Variants in ERBB3 observed in about 807,000 individuals in gnomAD.
The protein encoded by ERBB3 is erb-b2 receptor tyrosine kinase 3, also known as receptor tyrosine-protein kinase erbB-3.
A neutral mutation model predicts 156.7 loss-of-function variants in ERBB3; 96 were observed. The ratio of observed to expected loss-of-function variants is 0.61; its 90% CI spans 0.52 to 0.73. ERBB3 has a LOEUF of 0.73. Among genes scored for constraint, ERBB3 ranks in the 30% least tolerant of loss-of-function variants. ERBB3 has a pLI of 0.00. For synonymous variants in ERBB3, 567 were observed against 632.0 expected (o/e 0.90, Z 1.54); for missense variants, 1,406 against 1,709.4 (o/e 0.82, Z 3.13).
chr12:56,095,963 C>A (rs1249967140), intron 17 of ERBB3, 157 bp downstream of exon 17: 2 of 798,592 alleles, frequency 2.5e-6, no homozygotes, highest in Admixed American at 4.2e-5. Context: ...TGATCCCTTT[C>A]TTCAAGGAAG....
intron 17 of ERBB3, 100 bp downstream of exon 17, chr12:56,095,906 G>C (rs571269605): frequency 1.3e-5 from 16 of 1,258,420 alleles, no homozygotes; most frequent in African/African-American, 1.2e-4. Flanking sequence ...GCACCCAGGG[G>C]TCAGTGATGG....
At chr12:56,096,447 G>T in intron 17 of ERBB3, 56 bp from the exon 18 acceptor site, 1 of 1,611,144 alleles carries the variant, frequency 6.2e-7, no homozygotes, top group Non-Finnish European at 8.5e-7. Context: ...GGAGCGGGTT[G>T]GAGTGGGACA....
Position 56,096,488 on chromosome 12 carries a change from C to T in ERBB3, c.2056-15C>T, listed in dbSNP as rs189193848. 1 of 1,613,680 alleles carries T rather than the reference C, an allele frequency of 6.2e-7. No homozygotes were observed. Among genetic ancestry groups the T allele is most frequent in the East Asian group, 2.2e-5 (1 of 44,886 alleles). On this transcript the variant is annotated splice_polypyrimidine_tract_variant and intron_variant, in intron 17 of 27. Transcript: ENST00000267101. ...ATGGCCTTTCCTGAGTAACTCCTTCCCATTTGCTCCTCAGAGCATAGAGCC... is the reference window on the plus strand; with the variant it reads ...ATGGCCTTTCCTGAGTAACTCCTTCTCATTTGCTCCTCAGAGCATAGAGCC...
At position 56,099,835 on chromosome 12, in the gene ERBB3, T is replaced by TAG. The variant is rs766102716; in HGVS notation, c.2944_2945dup. 1.2e-6 allele frequency: 2 copies of TAG among 1,613,432 alleles called. No homozygotes were observed. Among genetic ancestry groups the TAG allele is most frequent in the Non-Finnish European group, 8.5e-7 (1 of 1,179,596 alleles). On this transcript the variant is annotated splice_polypyrimidine_tract_variant and splice_region_variant and intron_variant, in intron 24 of 27. Coordinates refer to ENST00000267101, the MANE Select transcript of ERBB3 (RefSeq NM_001982.4). ...TCCCCCTAACAATCACCTATCGATATAGAGAGAGAGTGGGCCTGGAATAGC... is the reference window on the plus strand; with the variant it reads ...TCCCCCTAACAATCACCTATCGATATAGAGAGAGAGAGTGGGCCTGGAATAGC...
chr12:56,080,865 TG>T (rs1181105579), intron 1 of ERBB3, among the ~76,000 whole-genome samples: 2 of 152,120 alleles, frequency 1.3e-5, no homozygotes, highest in Non-Finnish European at 2.9e-5. Context: ...TGTTGTTCTC[TG>T]GTGTTGGAAA....
intron 9 of ERBB3, among the ~76,000 whole-genome samples, chr12:56,091,388 A>G (rs1164596602): frequency 1.9e-5 from 2 of 102,630 alleles, no homozygotes; most frequent in African/African-American, 7.1e-5. Context: ...ATATTTATAT[A>G]TGTGTGTGTA....
At position 56,092,733 on chromosome 12, in the gene ERBB3, A is replaced by T; in HGVS notation, c.1110-14A>T. On this transcript the variant is annotated splice_polypyrimidine_tract_variant and intron_variant, in intron 9 of 27. Coordinates refer to ENST00000267101, the MANE Select transcript of ERBB3 (RefSeq NM_001982.4). ...ACCTTTACCTTATTGACTGGTTTCT[A>T]CTGTTCTATTCAGAGACCCCTGGCA... 6.2e-7 allele frequency: 1 copy of T among 1,603,478 alleles called. No homozygotes were observed.
At chr12:56,086,410 CCTAT>C (rs1339351988) in intron 3 of ERBB3, 117 bp from the exon 4 acceptor site, 1 of 1,194,306 alleles carries the variant, frequency 8.4e-7, no homozygotes, top group Non-Finnish European at 1.2e-6. Flanking sequence ...TTTAATTGGA[CCTAT>C]CTGTCTGCCT....
rs1868941354 is a variant in ERBB3 at position 56,097,884 on chromosome 12, G to C, written c.2560G>C (p.Gly854Arg). 1 of 1,613,842 alleles carries C rather than the reference G, an allele frequency of 6.2e-7. No individual in the cohort carries two copies. The highest frequency in any genetic ancestry group is 1.7e-5 in the Admixed American group (1 of 59,976). Residue 854 changes from glycine (G) to arginine (R), a missense_variant, in exon 21 of 28, where the codon GGT becomes CGT. By Grantham distance (125) the Gly-to-Arg change is moderately radical. Transcript: ENST00000267101. The stretch of plus-strand genomic sequence containing the variant: ...CAGTCAGGTTCAGGTGGCAGATTTT[G>C]GTGTGGCTGACCTGCTGCCTCCTGA... The part of the protein sequence containing the change: ...SPSQVQVADF[G>R]VADLLPPDDK...
chr12:56,100,183 C>T lies in ERBB3; in HGVS notation c.3139C>T (p.Leu1047Phe). The T allele has an allele frequency of 1.9e-6, 3 of 1,613,960 alleles. No individual in the cohort carries two copies. The highest frequency in any genetic ancestry group is 2.5e-6 in the Non-Finnish European group (3 of 1,179,822). ...TATTTTTTCATCCTAGAGCCAGAGC[C>T]TTTTAAGTCCATCATCTGGATACAT... Reference protein sequence around the residue: ...TLNRPRGSQSLLSPSSGYMPM... With the variant: ...TLNRPRGSQSFLSPSSGYMPM... The change falls in exon 26 of 28, where the codon CTT (leucine) becomes TTT (phenylalanine). Residue 1047 changes from leucine (L) to phenylalanine (F), a missense_variant. Coordinates refer to ENST00000267101, the MANE Select transcript of ERBB3 (RefSeq NM_001982.4).
At chr12:56,080,141 C>T (rs1161185200), upstream of ERBB3, 4 of 674,594 alleles carry the variant, frequency 5.9e-6, no homozygotes, top group African/African-American at 3.5e-5. Context: ...CATCCCTCCC[C>T]GGACTCCGGC....
chr12:56,096,417 C>T, intron 17 of ERBB3, 86 bp from the exon 18 acceptor site: 1 of 1,559,926 alleles, frequency 6.4e-7, no homozygotes, highest in Non-Finnish European at 8.8e-7. Flanking sequence ...AGCTGTGCTG[C>T]TTTTGGCATT....
At chr12:56,082,685 T>G (rs1868367487) in intron 1 of ERBB3, among the ~76,000 whole-genome samples, 1 of 152,136 alleles carries the variant, frequency 6.6e-6, no homozygotes, top group African/African-American at 2.4e-5. Context: ...GGAAAGAGAC[T>G]GGGGTAGGGC....
intron 16 of ERBB3, 175 bp from the exon 17 acceptor site, chr12:56,095,490 T>G: frequency 1.1e-6 from 1 of 910,012 alleles, no homozygotes; most frequent in Non-Finnish European, 1.7e-6. Flanking sequence ...AAAATTAACT[T>G]TCAGTAGTCT....
Position 56,093,471 on chromosome 12 carries a change from T to G in ERBB3, c.1401T>G (p.Ser467=), listed in dbSNP as rs1176740305. 1.2e-6 allele frequency: 2 copies of G among 1,613,878 alleles called. No homozygotes were observed. Among genetic ancestry groups the G allele is most frequent in the Non-Finnish European group, 1.7e-6 (2 of 1,179,998 alleles). Reference sequence around the variant, plus strand: ...ATAGGCAGCTCTGCTACCACCACTCTTTGAACTGGACCAAGGTGCTTCGGG... The same window carrying G: ...ATAGGCAGCTCTGCTACCACCACTCGTTGAACTGGACCAAGGTGCTTCGGG... The part of the protein sequence containing the change: ...SANRQLCYHH[S]LNWTKVLRGP... Residue 467 remains serine (S), a synonymous_variant, in exon 12 of 28, where the codon TCT becomes TCG. Coordinates refer to ENST00000267101, the MANE Select transcript of ERBB3 (RefSeq NM_001982.4).
At chr12:56,096,868 T>C in intron 19 of ERBB3, 22 bp downstream of exon 19, 2 of 1,558,852 alleles carry the variant, frequency 1.3e-6, no homozygotes, top group Non-Finnish European at 1.8e-6. Flanking sequence ...AAATTCTGTA[T>C]GCCGCTAGGA....
At position 56,080,254 on chromosome 12, in the gene ERBB3, GC is replaced by G. The variant is rs759985332; in HGVS notation, c.-42del. ...CTTGCCTCGATGTCCTAGCCTAGGG[GC>G]CCCCGGGCCGGACTTGGCTGGGCTC... is the stretch of plus-strand genomic sequence containing the variant. On this transcript the variant is annotated 5_prime_UTR_variant, in exon 1 of 28. Coordinates refer to ENST00000267101, the MANE Select transcript of ERBB3 (RefSeq NM_001982.4). 74 of 1,475,836 alleles carry G rather than the reference GC, an allele frequency of 5.0e-5. No individual in the cohort carries two copies. The highest frequency in any genetic ancestry group is 1.4e-5 in the African/African-American group (1 of 71,684). 91.4% of individuals were successfully genotyped at this position (1,475,836 alleles called of 1,614,324 possible). A position where few individuals can be genotyped will look rare whatever the true frequency, so the allele number is the denominator to read the frequency against.
chr12:56,101,239 G>A lies in ERBB3; in HGVS notation c.3380G>A (p.Arg1127His), dbSNP rs2271188. 810 of 1,614,040 alleles carry A rather than the reference G, an allele frequency of 5.0e-4. 11 individuals carry two copies. The East Asian group carries it at 0.012, about 24-fold the overall frequency. ...AGCAGGAGCCGGAGCCCACGGCCAC[G>A]CGGAGATAGCGCCTACCATTCCCAG... ...SRSRSRSPRPRGDSAYHSQRH... is the reference protein window; with the variant it reads ...SRSRSRSPRPHGDSAYHSQRH... Residue 1127 changes from arginine (R) to histidine (H), a missense_variant, in exon 27 of 28, where the codon CGC (arginine) becomes CAC (histidine). This residue lies in a region of ERBB3 where 415 missense variants were observed against 454.1 expected (regional missense o/e 0.91). Coordinates refer to ENST00000267101, the MANE Select transcript of ERBB3 (RefSeq NM_001982.4).
intron 16 of ERBB3, 177 bp downstream of exon 16, chr12:56,095,487 A>T: frequency 1.5e-5 from 14 of 905,288 alleles, no homozygotes; most frequent in African/African-American, 1.7e-5. Context: ...CCTAAAATTA[A>T]CTTTCAGTAG....
Sources: gnomAD v4.1 joint callset for allele counts (sites outside exome capture counted in the v4.1 genomes callset) on GRCh38, gnomAD v4.1.1 for gene constraint, gnomAD v4.1.1 regional missense constraint, MANE v1.5 for transcripts, NCBI Gene and HGNC (gene_info 2026-07-23, HGNC 2026-07-21) for gene names.